The following ITGBL1 variants were observed in gnomAD, a reference collection of about 807,000 sequenced individuals.
ITGBL1 encodes integrin beta-like protein 1.
ITGBL1 carries 51 observed loss-of-function variants against 68.5 expected under a neutral mutation model. That is an observed-to-expected ratio of 0.74 (90% confidence interval 0.59 to 0.94). ITGBL1 has a LOEUF of 0.94. ITGBL1 is among the 40% of genes least tolerant of loss of function. The pLI is 0.00. For missense variants in ITGBL1, 649 were observed against 647.4 expected (o/e 1.00, Z -0.03); for synonymous variants, 209 against 227.3 (o/e 0.92, Z 0.72).
intron 7 of ITGBL1, among the ~76,000 whole-genome samples, chr13:101,642,152 T>G (rs957936433): frequency 8.6e-5 from 13 of 151,812 alleles, no homozygotes; most frequent in Non-Finnish European, 1.3e-4. Context: ...ACTTCCACAA[T>G]GGTTGAACTA....
chr13:101,596,740 A>G (rs988139724), intron 6 of ITGBL1, among the ~76,000 whole-genome samples: 2 of 152,192 alleles, frequency 1.3e-5, no homozygotes, highest in Admixed American at 1.3e-4. Context: ...ATAATATTCC[A>G]TTCTTTGGAT....
intron 2 of ITGBL1, among the ~76,000 whole-genome samples, chr13:101,491,627 A>C (rs1434035055): frequency 6.6e-6 from 1 of 151,268 alleles, no homozygotes; most frequent in Non-Finnish European, 1.5e-5. Flanking sequence ...CTTTTTCTTT[A>C]TTTTTTTTTA....
intron 2 of ITGBL1, among the ~76,000 whole-genome samples, chr13:101,552,607 T>C (rs2049939353): frequency 6.6e-6 from 1 of 152,226 alleles, no homozygotes; most frequent in South Asian, 2.1e-4. Flanking sequence ...CAATAATGTT[T>C]ATTAACTACC....
At chr13:101,580,431 G>A (rs954287478) in intron 5 of ITGBL1, among the ~76,000 whole-genome samples, 1 of 79,712 alleles carries the variant, frequency 1.3e-5, no homozygotes, top group Non-Finnish European at 2.7e-5. Context: ...TTACCTTATG[G>A]TTTCTTTTTA....
At chr13:101,579,514 G>C (rs2050420460) in intron 5 of ITGBL1, 87 bp downstream of exon 5, 2 of 1,347,610 alleles carry the variant, frequency 1.5e-6, no homozygotes, top group Admixed American at 2.2e-5. Flanking sequence ...ATTTCCTCTA[G>C]TGTGGGAGGA....
At chr13:101,602,457 A>G (rs760858380) in intron 7 of ITGBL1, among the ~76,000 whole-genome samples, 29 of 152,042 alleles carry the variant, frequency 1.9e-4, no homozygotes, top group Non-Finnish European at 3.7e-4. Context: ...GCTTTTGAAG[A>G]AGTCGTAATT....
chr13:101,678,999 C>G (rs1177811007), intron 7 of ITGBL1, among the ~76,000 whole-genome samples: 2 of 151,596 alleles, frequency 1.3e-5, no homozygotes, highest in African/African-American at 4.8e-5. Context: ...CTCCGACTCC[C>G]TGGATCAAGC....
intron 7 of ITGBL1, among the ~76,000 whole-genome samples, chr13:101,685,041 T>C (rs2033724717): frequency 6.6e-6 from 1 of 151,978 alleles, no homozygotes; most frequent in Non-Finnish European, 1.5e-5. Flanking sequence ...TTTCCATAGA[T>C]ACACACAGAC....
At chr13:101,525,965 T>C (rs747673947) in intron 2 of ITGBL1, among the ~76,000 whole-genome samples, 3 of 152,100 alleles carry the variant, frequency 2.0e-5, no homozygotes, top group Non-Finnish European at 4.4e-5. Context: ...TATGTTCATA[T>C]ATATTTCTGA....
intron 2 of ITGBL1, among the ~76,000 whole-genome samples, chr13:101,461,276 T>C (rs911269208): frequency 2.6e-5 from 4 of 152,146 alleles, no homozygotes; most frequent in Non-Finnish European, 5.9e-5. Context: ...AAAACTGACA[T>C]CGCATGTTCT....
rs66501713 is a variant in ITGBL1, at chr13:101,671,426, G to GTTTTTTTTTTTTTTT, written c.1016-21149_1016-21148insTTTTTTTTTTTTTTT. On this transcript the variant is annotated intron_variant, in intron 7 of 10. Coordinates refer to ENST00000376180, the MANE Select transcript of ITGBL1 (RefSeq NM_004791.3). ...AGCTATTTGACAAAAGTATACCTTTGTTTTTTTTTTGTTTTTTTTTGTTTT... is the reference window on the plus strand; with the variant it reads ...AGCTATTTGACAAAAGTATACCTTTGTTTTTTTTTTTTTTTTTTTTTTTTTGTTTTTTTTTGTTTT... Among the ~76,000 whole-genome samples, 59 of 112,640 alleles carry GTTTTTTTTTTTTTTT rather than the reference G, an allele frequency of 5.2e-4. 12 individuals are homozygous for GTTTTTTTTTTTTTTT. Among genetic ancestry groups the GTTTTTTTTTTTTTTT allele is most frequent in the East Asian group, 2.1e-3 (6 of 2,846 alleles). The allele number at this position is 112,640 out of a possible 152,430, so 73.9% of individuals were successfully genotyped here. A position where few individuals can be genotyped will look rare whatever the true frequency, so the allele number is the denominator to read the frequency against.
intron 7 of ITGBL1, among the ~76,000 whole-genome samples, chr13:101,685,911 C>A (rs117484377): frequency 4.1e-4 from 62 of 152,100 alleles, no homozygotes; most frequent in South Asian, 1.5e-3. Flanking sequence ...CCCAAAAGGG[C>A]AGGGTCAACT....
intron 7 of ITGBL1, among the ~76,000 whole-genome samples, chr13:101,667,198 A>T (rs2033241557): frequency 1.3e-5 from 2 of 152,190 alleles, no homozygotes. Context: ...TATGGCCATT[A>T]TGGAGATTGT....
At chr13:101,509,792 T>G (rs2049086137) in intron 2 of ITGBL1, among the ~76,000 whole-genome samples, 1 of 152,090 alleles carries the variant, frequency 6.6e-6, no homozygotes, top group East Asian at 1.9e-4. Flanking sequence ...ATAAAGTCCT[T>G]TAGTCTAATC....
intron 2 of ITGBL1, among the ~76,000 whole-genome samples, chr13:101,462,565 G>T (rs2048331700): frequency 6.6e-6 from 1 of 151,994 alleles, no homozygotes; most frequent in Non-Finnish European, 1.5e-5. Context: ...TGATCTAATT[G>T]CTCTGGCCCA....
At chr13:101,660,031 T>C (rs180903678) in intron 7 of ITGBL1, among the ~76,000 whole-genome samples, 1 of 152,178 alleles carries the variant, frequency 6.6e-6, no homozygotes, top group Non-Finnish European at 1.5e-5. Flanking sequence ...CATTGTAGGG[T>C]GTTTAGGAGC....
At chr13:101,484,369 G>GTA (rs1223587119) in intron 2 of ITGBL1, among the ~76,000 whole-genome samples, 1 of 152,020 alleles carries the variant, frequency 6.6e-6, no homozygotes, top group Non-Finnish European at 1.5e-5. Flanking sequence ...CAGTGATTAT[G>GTA]TATAGCTTTT....
chr13:101,605,972 GCATATA>G, intron 7 of ITGBL1, among the ~76,000 whole-genome samples: 1 of 144,466 alleles, frequency 6.9e-6, no homozygotes, highest in East Asian at 2.0e-4. Context: ...ACATATATAT[GCATATA>G]TGTGTATATA....
chr13:101,547,964 C>T (rs1005275587), intron 2 of ITGBL1, among the ~76,000 whole-genome samples: 1 of 151,404 alleles, frequency 6.6e-6, no homozygotes, highest in Non-Finnish European at 1.5e-5. Context: ...TACACACACA[C>T]ACAAAAAGAG....
Sources: allele counts gnomAD v4.1 joint callset (sites outside exome capture counted in the v4.1 genomes callset), GRCh38; gene constraint gnomAD v4.1.1; transcripts MANE v1.5; gene names NCBI Gene and HGNC (gene_info 2026-07-23, HGNC 2026-07-21).